SNX29: variants seen among roughly 807,000 people sequenced by gnomAD.
SNX29 encodes sorting nexin 29.
SNX29 carries 78 observed loss-of-function variants against 102.1 expected under a neutral mutation model. The observed-to-expected ratio is 0.76, with a 90% CI of 0.64 to 0.92. The LOEUF is 0.92. Ranked by LOEUF, SNX29 falls within the 40% of genes least tolerant of loss-of-function variation. The pLI is 0.00. For missense variants in SNX29, 1,280 were observed against 1,061.7 expected (o/e 1.21, Z -2.86); for synonymous variants, 580 against 414.5 (o/e 1.40, Z -4.85).
chr16:12,156,703 A>C (rs969051182), intron 13 of SNX29, among the ~76,000 whole-genome samples: 1 of 152,232 alleles, frequency 6.6e-6, no homozygotes, highest in African/African-American at 2.4e-5. Flanking sequence ...AGGCCTCTCT[A>C]GGTCCTTAGC....
At chr16:12,230,630 G>A (rs924884283) in intron 14 of SNX29, among the ~76,000 whole-genome samples, 7 of 152,138 alleles carry the variant, frequency 4.6e-5, no homozygotes, top group Non-Finnish European at 8.8e-5. Context: ...GTTTTTTAAC[G>A]AATGAGCAGA....
chr16:12,462,288 T>C (rs1338767360), intron 18 of SNX29, among the ~76,000 whole-genome samples: 3 of 151,980 alleles, frequency 2.0e-5, no homozygotes, highest in African/African-American at 7.2e-5. Context: ...GATAGAGACG[T>C]GCCTTTCATT....
intron 14 of SNX29, among the ~76,000 whole-genome samples, chr16:12,255,248 C>T (rs966182299): frequency 6.6e-6 from 1 of 152,046 alleles, no homozygotes; most frequent in Non-Finnish European, 1.5e-5. Context: ...CAGGCTGGAG[C>T]GCAATGGCGT....
At chr16:12,438,992 C>T (rs757179623) in intron 18 of SNX29, among the ~76,000 whole-genome samples, 1 of 152,206 alleles carries the variant, frequency 6.6e-6, no homozygotes, top group Admixed American at 6.5e-5. Context: ...GTCCACCTGC[C>T]ATGTAGACCA....
chr16:12,236,024 T>TTC, intron 14 of SNX29, among the ~76,000 whole-genome samples: 1 of 152,212 alleles, frequency 6.6e-6, no homozygotes, highest in South Asian at 2.1e-4. Flanking sequence ...TTTAAAACTC[T>TTC]CTGTTTCCTT....
chr16:12,266,910 C>T (rs974279399), intron 14 of SNX29, among the ~76,000 whole-genome samples: 6 of 151,952 alleles, frequency 3.9e-5, no homozygotes, highest in African/African-American at 7.2e-5. Flanking sequence ...ATTACAGACA[C>T]CCGCCACCAC....
intron 18 of SNX29, among the ~76,000 whole-genome samples, chr16:12,445,954 C>A (rs1287489935): frequency 1.3e-5 from 2 of 152,130 alleles, no homozygotes; most frequent in Non-Finnish European, 2.9e-5. Context: ...GCATTCAAAC[C>A]CAAGAGGTGG....
intron 18 of SNX29, among the ~76,000 whole-genome samples, chr16:12,411,216 AG>A (rs1418339801): frequency 6.6e-6 from 1 of 152,184 alleles, no homozygotes; most frequent in Non-Finnish European, 1.5e-5. Flanking sequence ...GTTGTATACC[AG>A]GTAGACAGGA....
intron 19 of SNX29, among the ~76,000 whole-genome samples, chr16:12,521,342 G>T (rs905431903): frequency 2.6e-5 from 4 of 152,052 alleles, no homozygotes; most frequent in Admixed American, 6.6e-5. Context: ...CCAGGAAGCA[G>T]CTATTGTGAG....
intron 16 of SNX29, among the ~76,000 whole-genome samples, chr16:12,370,438 T>C (rs1172878362): frequency 2.0e-5 from 3 of 152,196 alleles, no homozygotes; most frequent in African/African-American, 7.2e-5. Flanking sequence ...CAAGTGCCTG[T>C]AATCCCAGCT....
rs539589591 is a variant in SNX29, at chr16:12,352,377, A to C, written c.1783-3786A>C. Reference sequence around the variant, plus strand: ...ACCGGGGACTGTTGTGCGGTGGGGGAAGGGGGGAGGGATAGCATTAGGAGG... The same window carrying C: ...ACCGGGGACTGTTGTGCGGTGGGGGCAGGGGGGAGGGATAGCATTAGGAGG... On this transcript the variant is annotated intron_variant, in intron 15 of 20. Transcript: ENST00000566228. Among the ~76,000 whole-genome samples, 29 of 148,662 alleles carry C rather than the reference A, an allele frequency of 2.0e-4. No homozygotes were observed. The South Asian group carries it at 6.2e-3, about 32-fold the overall frequency.
At chr16:12,452,885 C>T (rs1359910175) in intron 18 of SNX29, among the ~76,000 whole-genome samples, 4 of 152,184 alleles carry the variant, frequency 2.6e-5, no homozygotes, top group African/African-American at 9.7e-5. Flanking sequence ...CTTGTTCTGA[C>T]TGCAGCTGTC....
chr16:12,252,256 T>G (rs2078443209), intron 14 of SNX29, among the ~76,000 whole-genome samples: 1 of 151,650 alleles, frequency 6.6e-6, no homozygotes, highest in South Asian at 2.1e-4. Context: ...AAACTCTTCC[T>G]CTTCCTCTAT....
At chr16:12,251,111 A>G (rs1410371757) in intron 14 of SNX29, among the ~76,000 whole-genome samples, 1 of 152,210 alleles carries the variant, frequency 6.6e-6, no homozygotes, top group Admixed American at 6.5e-5. Flanking sequence ...GCGCAAGGCA[A>G]ACTTCCTGGG....
chr16:12,232,802 G>C (rs879746231), intron 14 of SNX29, among the ~76,000 whole-genome samples: 1 of 152,234 alleles, frequency 6.6e-6, no homozygotes, highest in Non-Finnish European at 1.5e-5. Flanking sequence ...ATGACACACA[G>C]AAGTCAGCAC....
chr16:12,570,493 C>T lies in SNX29; in HGVS notation c.*1864C>T, dbSNP rs553601184. 9 of 233,222 alleles carry T rather than the reference C, an allele frequency of 3.9e-5. No individual in the cohort carries two copies. Among genetic ancestry groups the T allele is most frequent in the South Asian group, 1.8e-4 (1 of 5,538 alleles). The allele number at this position is 233,222 out of a possible 1,614,324, so 14.4% of individuals were successfully genotyped here. ...AAGCTCAATCTGCTGTATGTCATGA[C>T]CCCTTAGGTTGGGTTTATGCCACAT... On this transcript the variant is annotated 3_prime_UTR_variant, in exon 21 of 21. Transcript: ENST00000566228.
intron 19 of SNX29, among the ~76,000 whole-genome samples, chr16:12,520,671 A>G (rs974765107): frequency 2.0e-4 from 30 of 152,232 alleles, no homozygotes; most frequent in African/African-American, 7.2e-4. Context: ...GCAAAAGGCC[A>G]TTATTCTAAG....
intron 17 of SNX29, 123 bp downstream of exon 17, chr16:12,398,624 G>C (rs774269855): frequency 1.8e-6 from 2 of 1,109,350 alleles, no homozygotes; most frequent in African/African-American, 1.5e-5. Context: ...AGGTTGATGT[G>C]GTTCTTGTAG....
rs118115187 is a variant in SNX29 at position 12,291,815 on chromosome 16, G to A, written c.1782+13779G>A. Among the ~76,000 whole-genome samples, 859 of 152,242 alleles carry A rather than the reference G, an allele frequency of 5.6e-3. 36 individuals are homozygous for A. The East Asian group carries it at 0.11, about 20-fold the overall frequency. ...AACTGGGACTGTTGCTAGGGGAAGC[G>A]GATGCCATGGTGGCAGAAAACCAAG... is the stretch of plus-strand genomic sequence containing the variant. On this transcript the variant is annotated intron_variant, in intron 15 of 20. Coordinates refer to ENST00000566228, the MANE Select transcript of SNX29 (RefSeq NM_032167.5).
Sources: allele counts gnomAD v4.1 joint callset (sites outside exome capture counted in the v4.1 genomes callset), GRCh38; gene constraint gnomAD v4.1.1; transcripts MANE v1.5; gene names NCBI Gene and HGNC (gene_info 2026-07-23, HGNC 2026-07-21).